The following FXYD6 variants were observed in gnomAD, a reference collection of about 807,000 sequenced individuals.
FXYD6 encodes FXYD domain containing ion transport regulator 6, also known as FXYD domain-containing ion transport regulator 6.
Under a neutral mutation model 16.7 loss-of-function variants are expected in FXYD6, and 7 were observed. The observed-to-expected ratio is 0.42, with a 90% CI of 0.24 to 0.79. The LOEUF (loss-of-function observed/expected upper bound fraction) is 0.79. Among genes scored for constraint, FXYD6 ranks in the 30% least tolerant of loss-of-function variants. The pLI is 0.28. For synonymous variants in FXYD6, 49 were observed against 43.0 expected (o/e 1.14, Z -0.54); for missense variants, 111 against 116.2 (o/e 0.95, Z 0.21).
chr11:117,876,301 G>A (rs973893135), intron 1 of FXYD6, among the ~76,000 whole-genome samples: 2 of 152,112 alleles, frequency 1.3e-5, no homozygotes, highest in African/African-American at 2.4e-5. Flanking sequence ...CTGACCCCAA[G>A]CTCAAGGCAG....
Position 117,837,274 on chromosome 11 carries a change from A to T in FXYD6, c.*1025T>A, listed in dbSNP as rs1281629439. 1 of 152,078 alleles carries T rather than the reference A, an allele frequency of 6.6e-6. No individual in the cohort carries two copies. The highest frequency in any genetic ancestry group is 1.5e-5 in the Non-Finnish European group (1 of 68,038). The allele number at this position is 152,078 out of a possible 1,614,324, so 9.4% of individuals were successfully genotyped here. On this transcript the variant is annotated 3_prime_UTR_variant, in exon 8 of 8. Coordinates refer to ENST00000526014, the MANE Select transcript of FXYD6 (RefSeq NM_022003.4). This position sits in a 1 kb window ranked among gnomAD's most constrained non-coding sequence, Gnocchi z 4.4. ...TTGCCTCTGCTGCCCATCTAAGGGGACGTAGGCAGAGAAGCAAAGGCCTCT... is the reference window on the plus strand; with the variant it reads ...TTGCCTCTGCTGCCCATCTAAGGGGTCGTAGGCAGAGAAGCAAAGGCCTCT...
chr11:117,839,139 C>T (rs1360368722), intron 7 of FXYD6: 1 of 152,990 alleles, frequency 6.5e-6, no homozygotes, highest in East Asian at 1.9e-4. Context: ...TATTCCCTCT[C>T]ATCTTGGTTT....
chr11:117,845,070 T>G (rs2056440836), intron 1 of FXYD6, among the ~76,000 whole-genome samples: 1 of 152,218 alleles, frequency 6.6e-6, no homozygotes, highest in African/African-American at 2.4e-5. Context: ...ATTTACAAAC[T>G]TATGCATTCG....
At chr11:117,864,087 T>TA (rs1045129459) in intron 1 of FXYD6, among the ~76,000 whole-genome samples, 4 of 152,080 alleles carry the variant, frequency 2.6e-5, no homozygotes, top group Non-Finnish European at 5.9e-5. Flanking sequence ...TTTGTAGAAA[T>TA]AAAAAAATCT....
chr11:117,854,249 G>A (rs963516121), intron 1 of FXYD6, among the ~76,000 whole-genome samples: 4 of 152,194 alleles, frequency 2.6e-5, no homozygotes, highest in Admixed American at 6.5e-5. Context: ...GTGAGAGAGG[G>A]AAGGACAAAT....
intron 1 of FXYD6, among the ~76,000 whole-genome samples, chr11:117,874,838 G>A (rs1317319222): frequency 6.6e-6 from 1 of 152,216 alleles, no homozygotes. Context: ...GGGCTTTGAG[G>A]AGGAGGGAAA....
intron 1 of FXYD6, among the ~76,000 whole-genome samples, chr11:117,869,631 T>G (rs1190680705): frequency 6.6e-6 from 1 of 151,834 alleles, no homozygotes; most frequent in Admixed American, 6.6e-5. Context: ...CATGAAAACA[T>G]GAAGTTCTTT....
intron 1 of FXYD6, among the ~76,000 whole-genome samples, chr11:117,855,331 C>T (rs1337965804): frequency 3.4e-5 from 5 of 148,182 alleles, no homozygotes; most frequent in Non-Finnish European, 6.0e-5. Context: ...ATGGGCCCCT[C>T]GGGGTGGCGG....
chr11:117,845,119 G>A (rs1425100999), intron 1 of FXYD6, among the ~76,000 whole-genome samples: 1 of 152,162 alleles, frequency 6.6e-6, no homozygotes, highest in Non-Finnish European at 1.5e-5. Flanking sequence ...ATCCTCCCAA[G>A]AAGAAACTTG....
At chr11:117,841,210 G>C (rs1226525599) in intron 4 of FXYD6, 26 bp from the exon 5 acceptor site, 4 of 1,614,034 alleles carry the variant, frequency 2.5e-6, no homozygotes, top group Non-Finnish European at 3.4e-6. Context: ...ACCATCCAAG[G>C]TCATGCTGCT....
At chr11:117,840,272 T>C in intron 6 of FXYD6, 47 bp downstream of exon 6, 1 of 1,609,516 alleles carries the variant, frequency 6.2e-7, no homozygotes, top group Non-Finnish European at 8.5e-7. Context: ...CAGAGGGGTC[T>C]CTCTGTTCCC....
chr11:117,842,662 G>A (rs774586463), intron 2 of FXYD6, 57 bp downstream of exon 2: 1 of 1,519,350 alleles, frequency 6.6e-7, no homozygotes, highest in Non-Finnish European at 8.9e-7. Flanking sequence ...CCTTCCAGCA[G>A]AGAGGGCTGG....
Position 117,840,301 on chromosome 11 carries a change from G to T in FXYD6, c.259+18C>A. ...TGTTCCCTCTTTTCCACCTGGGCAG[G>T]TGGTCACGGACAGTTACCATTGGCG... On this transcript the variant is annotated intron_variant, in intron 6 of 7. Transcript: ENST00000526014. 1 of 1,614,142 alleles carries T rather than the reference G, an allele frequency of 6.2e-7. No homozygotes were observed. The highest frequency in any genetic ancestry group is 8.5e-7 in the Non-Finnish European group (1 of 1,179,990).
chr11:117,873,033 C>G (rs548855955), intron 1 of FXYD6, among the ~76,000 whole-genome samples: 2 of 152,114 alleles, frequency 1.3e-5, no homozygotes, highest in African/African-American at 2.4e-5. Context: ...TTAAAGAACC[C>G]CCCCCAACCG....
At chr11:117,857,483 C>T (rs964705868) in intron 1 of FXYD6, among the ~76,000 whole-genome samples, 7 of 149,096 alleles carry the variant, frequency 4.7e-5, no homozygotes, top group Admixed American at 3.4e-4. Flanking sequence ...AATCTTGGCT[C>T]ACTGCAACCT....
At chr11:117,860,989 G>A (rs73585096) in intron 1 of FXYD6, among the ~76,000 whole-genome samples, 60 of 152,312 alleles carry the variant, frequency 3.9e-4, no homozygotes, top group African/African-American at 1.3e-3. Flanking sequence ...TGGCTCCAGG[G>A]TCCTTGCTCT....
intron 7 of FXYD6, chr11:117,838,867 A>G (rs1461472070): frequency 1.3e-5 from 2 of 155,940 alleles, no homozygotes; most frequent in Non-Finnish European, 2.8e-5. Context: ...CGCACAGTCA[A>G]AGCTGGTGCA....
In FXYD6 at chr11:117,838,065, A is replaced by C. The variant is rs2056240481; in HGVS notation, c.*234T>G. On this transcript the variant is annotated 3_prime_UTR_variant, in exon 8 of 8. Coordinates refer to ENST00000526014, the MANE Select transcript of FXYD6 (RefSeq NM_022003.4). The stretch of plus-strand genomic sequence containing the variant: ...GTCACACACACACACACACACACAC[A>C]CATCACGGGAGGTGGGCAGGACCGC... 1 of 665,582 alleles carries C rather than the reference A, an allele frequency of 1.5e-6. No individual in the cohort carries two copies. The highest frequency in any genetic ancestry group is 2.7e-6 in the Non-Finnish European group (1 of 365,434). 41.2% of individuals were successfully genotyped at this position (665,582 alleles called of 1,614,324 possible).
intron 1 of FXYD6, among the ~76,000 whole-genome samples, chr11:117,865,632 G>A (rs1462169616): frequency 6.6e-6 from 1 of 152,170 alleles, no homozygotes; most frequent in East Asian, 1.9e-4. Flanking sequence ...CTGTGGTGAG[G>A]TTGAGCATCC....
Sources: allele counts gnomAD v4.1 joint callset (sites outside exome capture counted in the v4.1 genomes callset), GRCh38; gene constraint gnomAD v4.1.1; non-coding constraint Gnocchi (gnomAD v3.1); transcripts MANE v1.5; gene names NCBI Gene and HGNC (gene_info 2026-07-23, HGNC 2026-07-21).